Variants in TMEM175 observed in about 807,000 individuals in gnomAD.
The protein encoded by TMEM175 is transmembrane protein 175, also known as endosomal/lysosomal proton channel TMEM175.
In TMEM175, 36 loss-of-function variants were observed where a neutral mutation model predicts 36.5. The ratio of observed to expected loss-of-function variants is 0.99; its 90% CI spans 0.76 to 1.30. TMEM175 has a LOEUF of 1.30. Among genes scored for constraint, TMEM175 ranks in the 50% most tolerant of loss-of-function variants. The pLI is 0.00. For synonymous variants in TMEM175, 339 were observed against 313.4 expected (o/e 1.08, Z -0.86); for missense variants, 705 against 692.8 (o/e 1.02, Z -0.20).
At chr4:957,112 C>A (rs997893245) in intron 10 of TMEM175, among the ~76,000 whole-genome samples, 1 of 152,228 alleles carries the variant, frequency 6.6e-6, no homozygotes, top group East Asian at 1.9e-4. Context: ...GGGGAGCTGC[C>A]CCCTCCCAGC....
chr4:949,087 C>T (rs1331525755), intron 3 of TMEM175, among the ~76,000 whole-genome samples: 5 of 152,104 alleles, frequency 3.3e-5, no homozygotes, highest in African/African-American at 1.2e-4. Flanking sequence ...AGGAAAGCTG[C>T]GTCCCCACCG....
chr4:939,366 AGGT>A (rs951763704), intron 1 of TMEM175, among the ~76,000 whole-genome samples: 15 of 152,182 alleles, frequency 9.9e-5, no homozygotes, highest in African/African-American at 3.4e-4. Context: ...AGATCACTTG[AGGT>A]CAGGAGTTCG....
intron 1 of TMEM175, among the ~76,000 whole-genome samples, chr4:936,453 T>G (rs2152996135): frequency 6.6e-6 from 1 of 152,292 alleles, no homozygotes; most frequent in Non-Finnish European, 1.5e-5. Context: ...AAGCTGATTC[T>G]TTGAGATTAA....
Position 957,833 on chromosome 4 carries a change from C to G in TMEM175, c.852C>G (p.Asn284Lys). 6.2e-7 allele frequency: 1 copy of G among 1,606,440 alleles called. No homozygotes were observed. Among genetic ancestry groups the G allele is most frequent in the African/African-American group, 1.3e-5 (1 of 74,910 alleles). Residue 284 changes from asparagine (N) to lysine (K), a missense_variant, in exon 11 of 11, where the codon AAC becomes AAG. Coordinates refer to ENST00000264771, the MANE Select transcript of TMEM175 (RefSeq NM_032326.4). ...TATTCACTGTTCTCAGCGAAGACAA[C>G]GTCCCGGACCCCAAGGATGTGAAGG... ...TLLILDICED[N>K]VPDPKDVKER...
chr4:936,306 C>CA (rs1199438338), intron 1 of TMEM175, among the ~76,000 whole-genome samples: 2,891 of 85,986 alleles, frequency 0.034, 78 homozygotes, highest in African/African-American at 0.11. Flanking sequence ...GACTCTGTCA[C>CA]AAAAAAAAAA....
At chr4:946,938 G>C (rs1005528843) in intron 1 of TMEM175, among the ~76,000 whole-genome samples, 5 of 134,290 alleles carry the variant, frequency 3.7e-5, no homozygotes, top group African/African-American at 1.4e-4. Flanking sequence ...CGCCGAGACC[G>C]AGGGAGAGCA....
intron 1 of TMEM175, among the ~76,000 whole-genome samples, chr4:939,832 G>T (rs1160920600): frequency 6.6e-6 from 1 of 152,216 alleles, no homozygotes; most frequent in African/African-American, 2.4e-5. Flanking sequence ...GAAAATGTGT[G>T]AAATGTTCTG....
At chr4:945,418 G>A (rs11729289) in intron 1 of TMEM175, among the ~76,000 whole-genome samples, 54,307 of 151,754 alleles carry the variant, frequency 0.36, 9,928 homozygotes, top group African/African-American at 0.39. Context: ...TTCCAGCCTC[G>A]GTTTCTGTTT....
chr4:942,866 C>T (rs540115238), intron 1 of TMEM175, among the ~76,000 whole-genome samples: 1 of 152,046 alleles, frequency 6.6e-6, no homozygotes, highest in South Asian at 2.1e-4. Flanking sequence ...TCTTGAACCC[C>T]TCATCTCAGG....
At position 957,917 on chromosome 4, in the gene TMEM175, G is replaced by C. The variant is rs139135369; in HGVS notation, c.936G>C (p.Ala312=). The change falls in exon 11 of 11, where the codon GCG becomes GCC. Residue 312 remains alanine (A), a synonymous_variant. Coordinates refer to ENST00000264771, the MANE Select transcript of TMEM175 (RefSeq NM_032326.4). ...ALSATGPRFL[A]YFGSFATVGL... Reference sequence around the variant, plus strand: ...GTGCGACCGGGCCGCGCTTCCTGGCGTACTTCGGCTCCTTCGCCACAGTGG... The same window carrying C: ...GTGCGACCGGGCCGCGCTTCCTGGCCTACTTCGGCTCCTTCGCCACAGTGG... The C allele has an allele frequency of 3.7e-6, 6 of 1,612,778 alleles. No individual in the cohort carries two copies. The East Asian group carries it at 8.9e-5, about 24-fold the overall frequency.
At chr4:953,549 G>A (rs1026378753) in intron 8 of TMEM175, among the ~76,000 whole-genome samples, 195 bp downstream of exon 8, 4 of 152,246 alleles carry the variant, frequency 2.6e-5, no homozygotes, top group Admixed American at 2.0e-4. Context: ...CTGAGGCCCC[G>A]AGACCCAGCC....
chr4:952,500 G>C, intron 7 of TMEM175, 50 bp downstream of exon 7: 1 of 1,449,930 alleles, frequency 6.9e-7, no homozygotes, highest in Non-Finnish European at 9.4e-7. Flanking sequence ...GTGTGTGTGT[G>C]TGTGTGTGTG....
chr4:944,323 A>G (rs187280917), intron 1 of TMEM175, among the ~76,000 whole-genome samples: 1 of 152,300 alleles, frequency 6.6e-6, no homozygotes, highest in East Asian at 1.9e-4. Flanking sequence ...ACGAGGCAAA[A>G]TTACAGTGAC....
At chr4:950,360 G>A (rs925512832) in intron 3 of TMEM175, 61 bp from the exon 4 acceptor site, 4 of 1,369,074 alleles carry the variant, frequency 2.9e-6, no homozygotes, top group Non-Finnish European at 3.1e-6. Context: ...GTGCTGTCTC[G>A]ACTGCCATTC....
chr4:937,616 A>C (rs890718850), intron 1 of TMEM175, among the ~76,000 whole-genome samples: 1 of 152,222 alleles, frequency 6.6e-6, no homozygotes, highest in African/African-American at 2.4e-5. Flanking sequence ...TCTACTAAAC[A>C]TTGAAGGAAG....
In TMEM175 at chr4:958,184, G is replaced by A. The variant is rs1166223142; in HGVS notation, c.1203G>A (p.Gln401=). The A allele has an allele frequency of 6.2e-7, 1 of 1,603,630 alleles. No individual in the cohort carries two copies. Among genetic ancestry groups the A allele is most frequent in the East Asian group, 2.2e-5 (1 of 44,792 alleles). Residue 401 remains glutamine (Q), a synonymous_variant, in exon 11 of 11, where the codon CAG becomes CAA. Transcript: ENST00000264771. ...TGTGGACCACGGCGCTGCTGCACCA[G>A]GCGGAGACGCTGCAGCCCTCGGTGT... The part of the protein sequence containing the change: ...LAMWTTALLH[Q]AETLQPSVWF...
intron 1 of TMEM175, among the ~76,000 whole-genome samples, chr4:934,094 G>A (rs1221737687): frequency 1.3e-5 from 2 of 152,222 alleles, no homozygotes. Flanking sequence ...GCAATTCAAC[G>A]CAAGTCATGG....
rs1471589700 is a variant in TMEM175, at chr4:958,267, C to G, written c.1286C>G (p.Ala429Gly). ...GCCAAGCTGGCGCTGTACCCCTGTG[C>G]CAGCCTGCTGGCCTTCGCCTCCACC... ...MFAKLALYPC[A>G]SLLAFASTCL... Residue 429 changes from alanine (A) to glycine (G), a missense_variant, in exon 11 of 11, where the codon GCC (alanine) becomes GGC (glycine). Coordinates refer to ENST00000264771, the MANE Select transcript of TMEM175 (RefSeq NM_032326.4). 1 of 1,606,122 alleles carries G rather than the reference C, an allele frequency of 6.2e-7. No individual in the cohort carries two copies. Among genetic ancestry groups the G allele is most frequent in the South Asian group, 1.1e-5 (1 of 91,082 alleles).
At chr4:941,008 AATAATAAT>A in intron 1 of TMEM175, among the ~76,000 whole-genome samples, 1 of 1,150 alleles carries the variant, frequency 8.7e-4, no homozygotes, top group Non-Finnish European at 1.7e-3. Context: ...TCCGTCTCAA[AATAATAAT>A]AATAATAATA....
Sources: allele counts gnomAD v4.1 joint callset (sites outside exome capture counted in the v4.1 genomes callset), GRCh38; gene constraint gnomAD v4.1.1; transcripts MANE v1.5; gene names NCBI Gene and HGNC (gene_info 2026-07-23, HGNC 2026-07-21).